CWF19L2: variants seen among roughly 807,000 people sequenced by gnomAD.
CWF19L2 encodes CWF19-like protein 2.
In CWF19L2, 98 loss-of-function variants were observed where a neutral mutation model predicts 111.7. That is an observed-to-expected ratio of 0.88 (90% confidence interval 0.75 to 1.04). The LOEUF (loss-of-function observed/expected upper bound fraction) is 1.04, where lower values mean the gene tolerates loss of function less well. Ranked by LOEUF, CWF19L2 falls within the 50% of genes least tolerant of loss-of-function variation. The probability of loss-of-function intolerance (pLI) is 0.00; values close to 1 mark genes in which losing one functional copy is unlikely to be tolerated. For missense variants in CWF19L2, 1,101 were observed against 1,051.4 expected, an observed-to-expected ratio of 1.05 and a Z score of -0.65; for synonymous variants, 351 against 342.9, an observed-to-expected ratio of 1.02 and a Z score of -0.26.
At chr11:107,402,012 G>A (rs764931258) in intron 10 of CWF19L2, among the ~76,000 whole-genome samples, 58 of 152,108 alleles carry the variant, frequency 3.8e-4, no homozygotes, top group Non-Finnish European at 6.6e-4. Flanking sequence ...ATGGTGCTGG[G>A]ATAGCTGGCT....
At chr11:107,445,252 A>G (rs982595091) in intron 3 of CWF19L2, among the ~76,000 whole-genome samples, 2 of 152,208 alleles carry the variant, frequency 1.3e-5, no homozygotes, top group African/African-American at 4.8e-5. Context: ...TCCAATTTAT[A>G]TTTAGTTTCT....
chr11:107,427,430 T>C (rs183429705), intron 8 of CWF19L2, among the ~76,000 whole-genome samples: 2 of 152,222 alleles, frequency 1.3e-5, no homozygotes, highest in African/African-American at 2.4e-5. Flanking sequence ...AAAAATTATA[T>C]ACATACACAG....
At chr11:107,439,735 T>C (rs577832767) in intron 5 of CWF19L2, among the ~76,000 whole-genome samples, 1 of 152,290 alleles carries the variant, frequency 6.6e-6, no homozygotes, top group South Asian at 2.1e-4. Context: ...TTAGAAATAA[T>C]TCTAATTGGC....
chr11:107,446,560 T>A (rs1001397486), intron 3 of CWF19L2, among the ~76,000 whole-genome samples: 1 of 150,348 alleles, frequency 6.7e-6, no homozygotes, highest in Non-Finnish European at 1.5e-5. Flanking sequence ...AGCCAACATC[T>A]TCTTCTACAA....
chr11:107,443,881 G>A (rs973722771), intron 3 of CWF19L2, among the ~76,000 whole-genome samples: 1 of 151,944 alleles, frequency 6.6e-6, no homozygotes, highest in African/African-American at 2.4e-5. Flanking sequence ...AGAAAACTAG[G>A]GCCACCTTAT....
intron 8 of CWF19L2, among the ~76,000 whole-genome samples, chr11:107,423,876 C>T (rs1017612359): frequency 6.6e-6 from 1 of 151,420 alleles, no homozygotes; most frequent in Non-Finnish European, 1.5e-5. Flanking sequence ...TTAACACAAA[C>T]GACTACATCA....
intron 10 of CWF19L2, among the ~76,000 whole-genome samples, chr11:107,413,324 T>C (rs1396626897): frequency 6.6e-6 from 1 of 152,094 alleles, no homozygotes; most frequent in African/African-American, 2.4e-5. Flanking sequence ...GTCTTTGAGG[T>C]TTCAAAAATG....
At chr11:107,438,336 A>G (rs764463278) in intron 6 of CWF19L2, among the ~76,000 whole-genome samples, 38 of 152,330 alleles carry the variant, frequency 2.5e-4, no homozygotes, top group Non-Finnish European at 4.4e-4. Context: ...CGTGACATTT[A>G]AATATTTTGT....
intron 3 of CWF19L2, among the ~76,000 whole-genome samples, chr11:107,444,889 A>G (rs1861679770): frequency 6.6e-6 from 1 of 152,152 alleles, no homozygotes; most frequent in Non-Finnish European, 1.5e-5. Context: ...CATGATTACC[A>G]TACGAGCCTA....
chr11:107,362,457 C>A (rs1308359179), intron 12 of CWF19L2, among the ~76,000 whole-genome samples: 3 of 152,074 alleles, frequency 2.0e-5, no homozygotes, highest in African/African-American at 7.2e-5. Flanking sequence ...GTGGTTCTCC[C>A]AGCACGCAGC....
At chr11:107,384,879 C>T (rs1860742752) in intron 12 of CWF19L2, among the ~76,000 whole-genome samples, 1 of 152,080 alleles carries the variant, frequency 6.6e-6, no homozygotes, top group Non-Finnish European at 1.5e-5. Context: ...TGACTTTAAA[C>T]TAGACTAATC....
Position 107,428,910 on chromosome 11 carries a change from T to C in CWF19L2, c.1322A>G (p.Asp441Gly), listed in dbSNP as rs1442321184. The C allele has an allele frequency of 2.5e-6, 4 of 1,613,748 alleles. No individual in the cohort carries two copies. The South Asian group carries it at 3.3e-5, about 13-fold the overall frequency. ...GTCTTCTGGAACATGTTGGTGTTCATCAGTACTGGTTTCCGATGGCTTTTG... is the reference window on the plus strand; with the variant it reads ...GTCTTCTGGAACATGTTGGTGTTCACCAGTACTGGTTTCCGATGGCTTTTG... ...SNQKPSETSTDEHQHVPEDPR... is the reference protein window; with the variant it reads ...SNQKPSETSTGEHQHVPEDPR... Residue 441 changes from aspartate to glycine, a missense_variant, in exon 8 of 18, where the codon GAT becomes GGT. Asp to Gly is a moderately conservative substitution (Grantham distance 94). Coordinates refer to ENST00000282251, the MANE Select transcript of CWF19L2 (RefSeq NM_152434.3).
At chr11:107,340,880 A>C (rs915424171) in intron 14 of CWF19L2, among the ~76,000 whole-genome samples, 1 of 152,204 alleles carries the variant, frequency 6.6e-6, no homozygotes, top group Non-Finnish European at 1.5e-5. Flanking sequence ...AGTTTTTAGC[A>C]TACAAAATAT....
At chr11:107,357,295 T>A (rs2134550837) in intron 12 of CWF19L2, among the ~76,000 whole-genome samples, 1 of 152,306 alleles carries the variant, frequency 6.6e-6, no homozygotes, top group Non-Finnish European at 1.5e-5. Flanking sequence ...AAAACTTATT[T>A]CATCTAGAAT....
chr11:107,334,700 C>T (rs10789620), intron 16 of CWF19L2, among the ~76,000 whole-genome samples, 181 bp downstream of exon 16: 40,410 of 152,092 alleles, frequency 0.27, 5,623 homozygotes, highest in Non-Finnish European at 0.31. Context: ...CAAATAAAAA[C>T]CCTCTACAAA....
In CWF19L2 at chr11:107,390,057, C is replaced by G; in HGVS notation, c.1872+17G>C. 1 of 1,608,180 alleles carries G rather than the reference C, an allele frequency of 6.2e-7. No homozygotes were observed. The highest frequency in any genetic ancestry group is 8.5e-7 in the Non-Finnish European group (1 of 1,176,964). ...CAGCTTCTCAAAATTCAGAGGTATC[C>G]TAGGAATATATCTTACCTTAGATGC... is the stretch of plus-strand genomic sequence containing the variant. On this transcript the variant is annotated intron_variant, in intron 12 of 17. Transcript: ENST00000282251.
chr11:107,454,466 G>T lies in CWF19L2; in HGVS notation c.323C>A (p.Ser108Ter). 2 of 1,440,656 alleles carry T rather than the reference G, an allele frequency of 1.4e-6. No individual in the cohort carries two copies. Among genetic ancestry groups the T allele is most frequent in the South Asian group, 3.2e-5 (2 of 63,100 alleles). 89.2% of individuals were successfully genotyped at this position (1,440,656 alleles called of 1,614,324 possible). A position where few individuals can be genotyped will look rare whatever the true frequency, so the allele number is the denominator to read the frequency against. The change falls in exon 3 of 18, where the codon TCA becomes TAA. Residue 108 changes from serine (S) to a stop codon, truncating the protein, a stop_gained. Coordinates refer to ENST00000282251, the MANE Select transcript of CWF19L2 (RefSeq NM_152434.3). LOFTEE classifies it high-confidence loss of function. Reference protein sequence around the residue: ...KKQKYEKNNESSDSSSSSEDE... With the variant: ...KKQKYEKNNE ...CATACTTACTGATGAGCTATCAGATGACTCATTGTTTTTTTCATATTTCTG... is the reference window on the plus strand; with the variant it reads ...CATACTTACTGATGAGCTATCAGATTACTCATTGTTTTTTTCATATTTCTG...
intron 14 of CWF19L2, among the ~76,000 whole-genome samples, chr11:107,341,725 T>A (rs1860007804): frequency 6.6e-6 from 1 of 152,180 alleles, no homozygotes; most frequent in Non-Finnish European, 1.5e-5. Context: ...GTTTGGAGAT[T>A]TAATTTTTTA....
intron 12 of CWF19L2, among the ~76,000 whole-genome samples, chr11:107,371,101 C>A (rs1371101369): frequency 1.6e-5 from 2 of 127,272 alleles, no homozygotes; most frequent in Non-Finnish European, 3.3e-5. Flanking sequence ...GCAAGCTCTG[C>A]CTCCCGGGTT....
Sources: allele counts gnomAD v4.1 joint callset (sites outside exome capture counted in the v4.1 genomes callset), GRCh38; gene constraint gnomAD v4.1.1; transcripts MANE v1.5; gene names NCBI Gene and HGNC (gene_info 2026-07-23, HGNC 2026-07-21).